SLC39A8: variants seen among roughly 807,000 people sequenced by gnomAD.
SLC39A8 encodes the protein solute carrier family 39 member 8.
In SLC39A8, 15 loss-of-function variants were observed where a neutral mutation model predicts 40.4. The ratio of observed to expected loss-of-function variants is 0.37; its 90% CI spans 0.25 to 0.57. The LOEUF (loss-of-function observed/expected upper bound fraction) is 0.57, where lower values mean the gene tolerates loss of function less well. SLC39A8 is among the 20% of genes least tolerant of loss of function. The pLI is 0.75. For synonymous variants in SLC39A8, 223 were observed against 221.6 expected (o/e 1.01, Z -0.06); for missense variants, 472 against 558.8 (o/e 0.84, Z 1.57).
intron 6 of SLC39A8, among the ~76,000 whole-genome samples, chr4:102,278,817 G>A (rs550990360): frequency 6.4e-4 from 97 of 152,218 alleles, no homozygotes; most frequent in Non-Finnish European, 1.1e-3. Context: ...ACATAAAAAA[G>A]GATGAGTTCA....
intron 2 of SLC39A8, among the ~76,000 whole-genome samples, chr4:102,326,545 A>G (rs1219190844): frequency 6.6e-6 from 1 of 152,224 alleles, no homozygotes; most frequent in Non-Finnish European, 1.5e-5. Context: ...TGGGCGACAG[A>G]GCAAGACTCC....
chr4:102,252,691 G>T (rs1731620695), exon 12 of SLC39A8: 1 of 152,164 alleles, frequency 6.6e-6, no homozygotes, highest in Admixed American at 6.5e-5. Context: ...TTTCTGCTGT[G>T]CTTCTTCAGC....
Position 102,344,810 on chromosome 4 carries a change from C to A in SLC39A8, c.-148G>T. On this transcript the variant is annotated 5_prime_UTR_variant, in exon 2 of 9. The change creates a premature stop within an existing upstream ORF in the 5' untranslated region. Coordinates refer to ENST00000356736, the MANE Select transcript of SLC39A8 (RefSeq NM_001135146.2). ...GGTGGCGCGGGACGCCCCTGGTTCT[C>A]CGACGCCTTCGAAAGAACAGCAGCT... 1 of 1,321,596 alleles carries A rather than the reference C, an allele frequency of 7.6e-7. No homozygotes were observed. Among genetic ancestry groups the A allele is most frequent in the East Asian group, 3.2e-5 (1 of 31,738 alleles). The allele number at this position is 1,321,596 out of a possible 1,614,324, so 81.9% of individuals were successfully genotyped here. A position where few individuals can be genotyped will look rare whatever the true frequency, so the allele number is the denominator to read the frequency against.
chr4:102,315,647 G>A (rs1284109496), intron 3 of SLC39A8, 21 bp downstream of exon 3: 1 of 1,570,018 alleles, frequency 6.4e-7, no homozygotes, highest in East Asian at 2.3e-5. Context: ...AAATAAAAGA[G>A]AAAAAATGCT....
chr4:102,289,580 A>G (rs911486843), intron 6 of SLC39A8, among the ~76,000 whole-genome samples: 2 of 152,198 alleles, frequency 1.3e-5, no homozygotes, highest in Admixed American at 6.5e-5. Context: ...AGATGCCATT[A>G]AGAACATTTA....
intron 2 of SLC39A8, among the ~76,000 whole-genome samples, chr4:102,338,090 T>C (rs1735754919): frequency 6.6e-6 from 1 of 152,142 alleles, no homozygotes; most frequent in Non-Finnish European, 1.5e-5. Flanking sequence ...CATGTGACAA[T>C]CATATATGGC....
chr4:102,325,936 G>A (rs1735177519), intron 2 of SLC39A8, among the ~76,000 whole-genome samples: 1 of 152,118 alleles, frequency 6.6e-6, no homozygotes, highest in Admixed American at 6.5e-5. Context: ...AAGTTTCCCA[G>A]CCCTACCCCA....
intron 2 of SLC39A8, among the ~76,000 whole-genome samples, chr4:102,328,802 G>A (rs999057978): frequency 2.0e-5 from 3 of 152,084 alleles, no homozygotes; most frequent in Non-Finnish European, 4.4e-5. Flanking sequence ...AAGGTGGGAG[G>A]ATCACGAGGT....
chr4:102,313,257 C>A (rs962025686), intron 3 of SLC39A8, among the ~76,000 whole-genome samples: 13 of 152,080 alleles, frequency 8.5e-5, no homozygotes, highest in African/African-American at 3.1e-4. Flanking sequence ...TGACTTTAAA[C>A]TCCCTGTACC....
intron 3 of SLC39A8, among the ~76,000 whole-genome samples, chr4:102,312,960 A>G (rs1734508367): frequency 6.6e-6 from 1 of 152,154 alleles, no homozygotes; most frequent in Non-Finnish European, 1.5e-5. Flanking sequence ...TGCTGAATTT[A>G]CTTTTTAATG....
At chr4:102,297,287 C>T (rs1043205118) in intron 6 of SLC39A8, among the ~76,000 whole-genome samples, 7 of 152,062 alleles carry the variant, frequency 4.6e-5, no homozygotes, top group African/African-American at 1.7e-4. Flanking sequence ...TCCTGCACTT[C>T]AATCCTAATG....
chr4:102,254,753 T>C (rs1176116405), intron 11 of SLC39A8, among the ~76,000 whole-genome samples: 1 of 152,202 alleles, frequency 6.6e-6, no homozygotes, highest in East Asian at 1.9e-4. Context: ...TGTCAAGGTA[T>C]ATAAGTTATT....
intron 6 of SLC39A8, among the ~76,000 whole-genome samples, chr4:102,288,459 T>C (rs1733282889): frequency 6.6e-6 from 1 of 152,108 alleles, no homozygotes; most frequent in Non-Finnish European, 1.5e-5. Flanking sequence ...AATCCTAAAA[T>C]GGCCTCTATG....
intron 2 of SLC39A8, among the ~76,000 whole-genome samples, chr4:102,332,836 T>C (rs1193146269): frequency 1.3e-5 from 2 of 152,054 alleles, no homozygotes; most frequent in African/African-American, 4.8e-5. Flanking sequence ...CATGCAGCCA[T>C]AAAAAAAGGA....
chr4:102,267,567 C>G lies in SLC39A8; in HGVS notation c.1156G>C (p.Val386Leu). Residue 386 changes from valine to leucine, a missense_variant, in exon 8 of 9, where the codon GTG (valine) becomes CTG (leucine). Coordinates refer to ENST00000356736, the MANE Select transcript of SLC39A8 (RefSeq NM_001135146.2). ...ATATTTGGAGCGAAATTGTTGCCCA[C>G]CAAAATGCCAAAAGCTAGCCCAACA... Reference protein sequence around the residue: ...CYVGLAFGILVGNNFAPNIIF... With the variant: ...CYVGLAFGILLGNNFAPNIIF... 1 of 1,613,942 alleles carries G rather than the reference C, an allele frequency of 6.2e-7. No homozygotes were observed. Among genetic ancestry groups the G allele is most frequent in the Non-Finnish European group, 8.5e-7 (1 of 1,179,966 alleles).
chr4:102,310,509 T>G (rs530571537), intron 3 of SLC39A8, among the ~76,000 whole-genome samples: 148 of 152,148 alleles, frequency 9.7e-4, no homozygotes, highest in Non-Finnish European at 9.1e-4. Flanking sequence ...GCAGCAGAAC[T>G]CTGTCAAAAA....
intron 6 of SLC39A8, 23 bp from the exon 7 acceptor site, chr4:102,268,102 G>T (rs2149005190): frequency 6.2e-7 from 1 of 1,611,348 alleles, no homozygotes; most frequent in Non-Finnish European, 8.5e-7. Context: ...CAATTAAAAT[G>T]ATAACCAACA....
intron 6 of SLC39A8, among the ~76,000 whole-genome samples, chr4:102,293,120 A>C (rs368519083): frequency 6.6e-6 from 1 of 152,052 alleles, no homozygotes; most frequent in African/African-American, 2.4e-5. Flanking sequence ...TTAATTTTTC[A>C]CTCTGCTTTA....
intron 6 of SLC39A8, among the ~76,000 whole-genome samples, chr4:102,275,067 C>T (rs1423399131): frequency 1.3e-5 from 2 of 152,116 alleles, no homozygotes; most frequent in African/African-American, 4.8e-5. Flanking sequence ...AAACAGCTAG[C>T]ATCATAATGA....
Sources: gnomAD v4.1 joint callset for allele counts (sites outside exome capture counted in the v4.1 genomes callset) on GRCh38, gnomAD v4.1.1 for gene constraint, MANE v1.5 for transcripts, NCBI Gene and HGNC (gene_info 2026-07-23, HGNC 2026-07-21) for gene names.